VAV3: variants seen among roughly 807,000 people sequenced by gnomAD.
VAV3 encodes the protein guanine nucleotide exchange factor VAV3.
Under a neutral mutation model 131.2 loss-of-function variants are expected in VAV3, and 94 were observed. The ratio of observed to expected loss-of-function variants is 0.72; its 90% CI spans 0.61 to 0.85. VAV3 has a LOEUF of 0.85. VAV3 is among the 40% of genes least tolerant of loss of function. The pLI, the probability that VAV3 is intolerant of heterozygous loss-of-function variation, is 0.00. For synonymous variants in VAV3, 349 were observed against 342.0 expected (o/e 1.02, Z -0.22); for missense variants, 939 against 1,002.7 (o/e 0.94, Z 0.86).
intron 19 of VAV3, among the ~76,000 whole-genome samples, chr1:107,670,227 T>G (rs2504452): frequency 0.64 from 96,668 of 152,046 alleles, 31,635 homozygotes; most frequent in African/African-American, 0.79. Context: ...GCTGGCTCTT[T>G]GCCAGCTATT....
At chr1:107,624,014 C>T (rs1407912671) in intron 20 of VAV3, among the ~76,000 whole-genome samples, 1 of 152,126 alleles carries the variant, frequency 6.6e-6, no homozygotes, top group South Asian at 2.1e-4. Context: ...CATCAAAATA[C>T]ATGACAAAGG....
intron 2 of VAV3, among the ~76,000 whole-genome samples, chr1:107,872,900 G>A (rs566591438): frequency 6.6e-6 from 1 of 152,270 alleles, no homozygotes; most frequent in Non-Finnish European, 1.5e-5. Flanking sequence ...TCAACTACTG[G>A]TGGTATTGGC....
chr1:107,649,316 A>T (rs1478136657), intron 19 of VAV3, among the ~76,000 whole-genome samples: 1 of 152,120 alleles, frequency 6.6e-6, no homozygotes, highest in Non-Finnish European at 1.5e-5. Flanking sequence ...GCTGAAGAGG[A>T]GGCCAAGAGA....
intron 1 of VAV3, among the ~76,000 whole-genome samples, chr1:107,901,838 T>C (rs1241525044): frequency 2.0e-5 from 3 of 151,960 alleles, no homozygotes; most frequent in Non-Finnish European, 2.9e-5. Context: ...AGGTCAGCAG[T>C]TCGAGATCAG....
intron 2 of VAV3, among the ~76,000 whole-genome samples, chr1:107,831,654 C>T (rs892205622): frequency 3.3e-5 from 5 of 152,124 alleles, no homozygotes; most frequent in Non-Finnish European, 7.3e-5. Context: ...CTTCCTTGCA[C>T]ATTTATGAGT....
chr1:107,653,720 C>T lies in VAV3; in HGVS notation c.1778-10965G>A, dbSNP rs1570691493. ...GCAAATGTATAACTATTATTCAAAG[C>T]CACCAATGTTTCATAGGAGGAGGCT... On this transcript the variant is annotated intron_variant, in intron 19 of 26. Coordinates refer to ENST00000370056, the MANE Select transcript of VAV3 (RefSeq NM_006113.5). Among the ~76,000 whole-genome samples the T allele has an allele frequency of 2.6e-5, 4 of 152,184 alleles. No homozygotes were observed. The East Asian group carries it at 7.7e-4, about 29-fold the overall frequency.
intron 2 of VAV3, among the ~76,000 whole-genome samples, chr1:107,805,499 T>C (rs1290691078): frequency 1.3e-5 from 2 of 152,224 alleles, no homozygotes; most frequent in African/African-American, 4.8e-5. Context: ...CCAAATTTGT[T>C]TGATCTTTTA....
At chr1:107,723,871 A>T (rs1371638971) in intron 15 of VAV3, among the ~76,000 whole-genome samples, 1 of 152,200 alleles carries the variant, frequency 6.6e-6, no homozygotes, top group African/African-American at 2.4e-5. Context: ...CTTAATACAC[A>T]TAAAGTGTCC....
chr1:107,709,340 A>G (rs1660638908), intron 15 of VAV3, among the ~76,000 whole-genome samples: 1 of 152,154 alleles, frequency 6.6e-6, no homozygotes, highest in African/African-American at 2.4e-5. Context: ...CTTTTACTGT[A>G]GTATTTTGTT....
chr1:107,926,553 A>G (rs1673166837), intron 1 of VAV3, among the ~76,000 whole-genome samples: 1 of 141,184 alleles, frequency 7.1e-6, no homozygotes, highest in Non-Finnish European at 1.6e-5. Context: ...TAGGAAAGAC[A>G]GTCTTGAATC....
chr1:107,592,802 T>A (rs982813415), intron 25 of VAV3, among the ~76,000 whole-genome samples: 4 of 152,142 alleles, frequency 2.6e-5, no homozygotes, highest in African/African-American at 9.6e-5. Flanking sequence ...AAAATAATTA[T>A]GTGTTCATTG....
At chr1:107,696,610 T>C (rs1659764716) in intron 17 of VAV3, among the ~76,000 whole-genome samples, 1 of 152,188 alleles carries the variant, frequency 6.6e-6, no homozygotes, top group Non-Finnish European at 1.5e-5. Context: ...ACATTATTGC[T>C]ATAAAGCTCT....
intron 20 of VAV3, among the ~76,000 whole-genome samples, chr1:107,629,320 G>C (rs1047092778): frequency 1.3e-5 from 2 of 152,120 alleles, no homozygotes; most frequent in African/African-American, 2.4e-5. Context: ...TTTGTGATAA[G>C]TATAGTTATC....
chr1:107,874,220 C>T (rs1670383375), intron 2 of VAV3, among the ~76,000 whole-genome samples: 1 of 152,114 alleles, frequency 6.6e-6, no homozygotes, highest in Admixed American at 6.6e-5. Flanking sequence ...CCACTCACTT[C>T]ATAATAAATG....
chr1:107,863,045 T>C (rs187027623), intron 2 of VAV3, among the ~76,000 whole-genome samples: 2 of 152,084 alleles, frequency 1.3e-5, no homozygotes, highest in African/African-American at 2.4e-5. Context: ...ATAAAACATA[T>C]CTACTCGGTT....
intron 21 of VAV3, among the ~76,000 whole-genome samples, chr1:107,610,500 A>G (rs1023035214): frequency 2.6e-5 from 4 of 152,278 alleles, no homozygotes; most frequent in South Asian, 2.1e-4. Context: ...TTGGGAAAAC[A>G]TGCAAAATAA....
chr1:107,629,124 C>G (rs373896211), intron 20 of VAV3, among the ~76,000 whole-genome samples: 4 of 152,128 alleles, frequency 2.6e-5, no homozygotes, highest in Non-Finnish European at 2.9e-5. Flanking sequence ...TTTGGATATT[C>G]GTAAATGACA....
chr1:107,937,781 T>A lies in VAV3; in HGVS notation c.204+26885A>T, dbSNP rs184788517. On this transcript the variant is annotated intron_variant, in intron 1 of 26. Transcript: ENST00000370056. Reference sequence around the variant, plus strand: ...TCTGGTTAAGGCTTGTAGTCCCAATTATTAACACAATATAATGACTGCATT... The same window carrying A: ...TCTGGTTAAGGCTTGTAGTCCCAATAATTAACACAATATAATGACTGCATT... Among the ~76,000 whole-genome samples, 12 of 152,300 alleles carry A rather than the reference T, an allele frequency of 7.9e-5. 1 individual carries two copies. The highest frequency in any genetic ancestry group is 7.9e-4 in the Admixed American group (12 of 15,282).
Position 107,766,530 on chromosome 1 carries a change from C to T in VAV3, c.738G>A (p.Arg246=). Residue 246 remains arginine (R), a synonymous_variant, in exon 8 of 27, where the codon CGG becomes CGA. Coordinates refer to ENST00000370056, the MANE Select transcript of VAV3 (RefSeq NM_006113.5). ...INIPELVKLH[R]NLMQEIHDSI... ...AATCATGAATCTCTTGCATTAGGTT[C>T]CGATGAAGTTTTACAAGTTCCTAAG... is the stretch of plus-strand genomic sequence containing the variant. 6.2e-7 allele frequency: 1 copy of T among 1,613,070 alleles called. No individual in the cohort carries two copies. The highest frequency in any genetic ancestry group is 8.5e-7 in the Non-Finnish European group (1 of 1,179,582).
Sources: allele counts gnomAD v4.1 joint callset (sites outside exome capture counted in the v4.1 genomes callset), GRCh38; gene constraint gnomAD v4.1.1; transcripts MANE v1.5; gene names NCBI Gene and HGNC (gene_info 2026-07-23, HGNC 2026-07-21).